EARS2: variants seen among roughly 807,000 people sequenced by gnomAD.
EARS2 encodes the protein nondiscriminating glutamyl-tRNA synthetase EARS2, mitochondrial.
In EARS2, 50 loss-of-function variants were observed where a neutral mutation model predicts 54.1. The observed-to-expected ratio is 0.92, with a 90% CI of 0.74 to 1.17. The LOEUF is 1.17. Among genes scored for constraint, EARS2 ranks in the 50% most tolerant of loss-of-function variants. The pLI, the probability that EARS2 is intolerant of heterozygous loss-of-function variation, is 0.00. For missense variants in EARS2, 673 were observed against 675.0 expected, an observed-to-expected ratio of 1.00 and a Z score of 0.03; for synonymous variants, 298 against 281.0, an observed-to-expected ratio of 1.06 and a Z score of -0.61.
In EARS2 at chr16:23,524,231, T is replaced by A; in HGVS notation, c.*140A>T. ...CTGTGGTGGATCACAAATGCACTTG[T>A]GTGCAGTCAGAGATTGTTTCCACTC... On this transcript the variant is annotated 3_prime_UTR_variant, in exon 9 of 9. Transcript: ENST00000449606. 1 of 749,534 alleles carries A rather than the reference T, an allele frequency of 1.3e-6. No individual in the cohort carries two copies. 46.4% of individuals were successfully genotyped at this position (749,534 alleles called of 1,614,324 possible). A position where few individuals can be genotyped will look rare whatever the true frequency, so the allele number is the denominator to read the frequency against.
intron 4 of EARS2, among the ~76,000 whole-genome samples, chr16:23,533,446 TCTA>T (rs1965359674): frequency 6.6e-6 from 1 of 152,128 alleles, no homozygotes; most frequent in African/African-American, 2.4e-5. Context: ...CCGCCCTCCT[TCTA>T]CTTTCAAACA....
chr16:23,550,996 C>G (rs1335945159), intron 2 of EARS2, among the ~76,000 whole-genome samples: 2 of 152,110 alleles, frequency 1.3e-5, no homozygotes, highest in Non-Finnish European at 2.9e-5. Context: ...ATAAAACTTC[C>G]CACAAGATCA....
Position 23,529,546 on chromosome 16 carries a change from G to A in EARS2, c.1308C>T (p.Asp436=), listed in dbSNP as rs1011822758. Residue 436 remains aspartate (D), a synonymous_variant, in exon 7 of 9, where the codon GAC becomes GAT. Transcript: ENST00000449606. Reference sequence around the variant, plus strand: ...TCACATCCACCTTCTCCGAGATGGCGTCCAGCTGTGCTCGACCTACTGCAG... The same window carrying A: ...TCACATCCACCTTCTCCGAGATGGCATCCAGCTGTGCTCGACCTACTGCAG... ...TRPAVGRAQL[D]AISEKVDVIA... is the part of the protein sequence containing the mutation. The A allele has an allele frequency of 9.9e-6, 16 of 1,613,988 alleles. No individual in the cohort carries two copies. The highest frequency in any genetic ancestry group is 2.2e-5 in the East Asian group (1 of 44,894).
rs757001988 is a variant in EARS2 at position 23,534,961 on chromosome 16, C to G, written c.885G>C (p.Glu295Asp). 1 of 1,611,168 alleles carries G rather than the reference C, an allele frequency of 6.2e-7. No homozygotes were observed. The highest frequency in any genetic ancestry group is 1.1e-5 in the South Asian group (1 of 90,832). ...LSKRQGDVFL[E>D]HFAADGFLPD... Reference sequence around the variant, plus strand: ...GCAGGAAGCCATCAGCAGCAAAGTGCTCCAGGAAAACGTCCCCTTGCCTCT... The same window carrying G: ...GCAGGAAGCCATCAGCAGCAAAGTGGTCCAGGAAAACGTCCCCTTGCCTCT... The change falls in exon 4 of 9, where the codon GAG (glutamate) becomes GAC (aspartate). Residue 295 changes from glutamate (E) to aspartate (D), a missense_variant. By Grantham distance (45) the Glu-to-Asp change is conservative. Around this residue, in one of 3 missense-constraint regions of EARS2, gnomAD observed 338 missense variants for 361.2 expected, o/e 0.94. Coordinates refer to ENST00000449606, the MANE Select transcript of EARS2 (RefSeq NM_001083614.2).
At chr16:23,555,347 C>A (rs1310479423) in intron 1 of EARS2, among the ~76,000 whole-genome samples, 2 of 152,052 alleles carry the variant, frequency 1.3e-5, no homozygotes, top group Non-Finnish European at 2.9e-5. Context: ...ATTAGCTGGG[C>A]GTAGTGGTCA....
At chr16:23,532,633 G>A (rs754625668) in intron 5 of EARS2, 24 bp downstream of exon 5, 17 of 1,583,754 alleles carry the variant, frequency 1.1e-5, no homozygotes, top group Non-Finnish European at 1.5e-5. Flanking sequence ...TTGCCACCAG[G>A]GGATCTCCAT....
In EARS2 at chr16:23,543,911, T is replaced by C. The variant is rs527563708; in HGVS notation, c.485+603A>G. On this transcript the variant is annotated intron_variant, in intron 3 of 8. Coordinates refer to ENST00000449606, the MANE Select transcript of EARS2 (RefSeq NM_001083614.2). Reference sequence around the variant, plus strand: ...ATTGCATAAAATCACCTCCAGCCTATGTGTATAAGGCGTACATGAAACATA... The same window carrying C: ...ATTGCATAAAATCACCTCCAGCCTACGTGTATAAGGCGTACATGAAACATA... Among the ~76,000 whole-genome samples the C allele has an allele frequency of 2.7e-4, 41 of 152,306 alleles. No individual in the cohort carries two copies. The South Asian group carries it at 4.4e-3, about 16-fold the overall frequency.
In EARS2 at chr16:23,530,560, C is replaced by T. The variant is rs1965310159; in HGVS notation, c.1068-663G>A. Among the ~76,000 whole-genome samples, 7 of 151,946 alleles carry T rather than the reference C, an allele frequency of 4.6e-5. No homozygotes were observed. The South Asian group carries it at 1.5e-3, about 32-fold the overall frequency. On this transcript the variant is annotated intron_variant, in intron 5 of 8. Transcript: ENST00000449606. Reference sequence around the variant, plus strand: ...CCTCCGCTTCCCAGGTCACCTGCCACTCAGTCCTGCTGGACCTGGAGAAGC... The same window carrying T: ...CCTCCGCTTCCCAGGTCACCTGCCATTCAGTCCTGCTGGACCTGGAGAAGC...
At chr16:23,546,328 G>A in intron 2 of EARS2, 1 of 451,936 alleles carries the variant, frequency 2.2e-6, no homozygotes, top group Non-Finnish European at 4.4e-6. Flanking sequence ...TGTTCACCTT[G>A]CTACCCTCAA....
At chr16:23,532,044 C>T (rs1965336067) in intron 5 of EARS2, among the ~76,000 whole-genome samples, 1 of 152,152 alleles carries the variant, frequency 6.6e-6, no homozygotes, top group Non-Finnish European at 1.5e-5. Context: ...AACTCCTGAC[C>T]TCAGGTGATC....
In EARS2 at chr16:23,521,784, A is replaced by C; in HGVS notation, c.*2587T>G. On this transcript the variant is annotated 3_prime_UTR_variant, in exon 9 of 9. Coordinates refer to ENST00000449606, the MANE Select transcript of EARS2 (RefSeq NM_001083614.2). Reference sequence around the variant, plus strand: ...TATTTTGACCACTCACTTTGTTAAAAACACTCACTTGACCATGAGCCAAGA... The same window carrying C: ...TATTTTGACCACTCACTTTGTTAAACACACTCACTTGACCATGAGCCAAGA... The C allele has an allele frequency of 2.2e-6, 1 of 453,684 alleles. No homozygotes were observed. Among genetic ancestry groups the C allele is most frequent in the South Asian group, 1.5e-5 (1 of 64,540 alleles). 28.1% of individuals were successfully genotyped at this position (453,684 alleles called of 1,614,324 possible).
At chr16:23,542,603 C>T (rs1345140665) in intron 3 of EARS2, among the ~76,000 whole-genome samples, 2 of 151,896 alleles carry the variant, frequency 1.3e-5, no homozygotes, top group African/African-American at 4.8e-5. Context: ...CGTGAGCCAC[C>T]ACGTCCGGCC....
At chr16:23,528,009 G>A (rs1439398554) in intron 7 of EARS2, among the ~76,000 whole-genome samples, 1 of 152,146 alleles carries the variant, frequency 6.6e-6, no homozygotes, top group African/African-American at 2.4e-5. Context: ...ATGCACAGAT[G>A]AGTGCCTTTA....
At chr16:23,534,791 G>T in intron 4 of EARS2, 97 bp downstream of exon 4, 1 of 1,094,462 alleles carries the variant, frequency 9.1e-7, no homozygotes, top group Non-Finnish European at 1.3e-6. Flanking sequence ...GCTGGTAGGT[G>T]GCAAAGCTGG....
At position 23,521,802 on chromosome 16, in the gene EARS2, A is replaced by G. The variant is rs1463599625; in HGVS notation, c.*2569T>C. 2.2e-6 allele frequency: 1 copy of G among 454,904 alleles called. No individual in the cohort carries two copies. Among genetic ancestry groups the G allele is most frequent in the Non-Finnish European group, 4.4e-6 (1 of 226,552 alleles). 28.2% of individuals were successfully genotyped at this position (454,904 alleles called of 1,614,324 possible). On this transcript the variant is annotated 3_prime_UTR_variant, in exon 9 of 9. Transcript: ENST00000449606. ...TGTTAAAAACACTCACTTGACCATG[A>G]GCCAAGAAGCTCCTTTTAACCATTC...
In EARS2 at chr16:23,535,443, C is replaced by T. The variant is rs1182981982; in HGVS notation, c.486-83G>A. 5 of 1,329,338 alleles carry T rather than the reference C, an allele frequency of 3.8e-6. No homozygotes were observed. In the East Asian group the frequency reaches 7.0e-5, roughly 19 times the overall value. 82.3% of individuals were successfully genotyped at this position (1,329,338 alleles called of 1,614,324 possible). On this transcript the variant is annotated intron_variant, in intron 3 of 8. Transcript: ENST00000449606. Reference sequence around the variant, plus strand: ...CCTACCTCTGTCATAGCTGTGTGACCTTAAGCAAGTCAGTTACTGCTGCAA... The same window carrying T: ...CCTACCTCTGTCATAGCTGTGTGACTTTAAGCAAGTCAGTTACTGCTGCAA...
chr16:23,521,084 G>A lies in EARS2; in HGVS notation c.*3287C>T, dbSNP rs980690736. 2.0e-5 allele frequency among the ~76,000 whole-genome samples: 3 copies of A among 152,074 alleles called. No homozygotes were observed. Among genetic ancestry groups the A allele is most frequent in the Non-Finnish European group, 4.4e-5 (3 of 68,020 alleles). On this transcript the variant is annotated 3_prime_UTR_variant, in exon 9 of 9. Transcript: ENST00000449606. The stretch of plus-strand genomic sequence containing the variant: ...TGGGATTCTAGGTGTGAGCCACCAG[G>A]CCCAGCTCTAATTTAGTATTTTTTA...
At chr16:23,541,043 C>T (rs56137141) in intron 3 of EARS2, among the ~76,000 whole-genome samples, 3,227 of 150,894 alleles carry the variant, frequency 0.021, 106 homozygotes, top group African/African-American at 0.074. Flanking sequence ...GGCCGAGTGT[C>T]GTAGCTCATG....
chr16:23,544,358 G>C, intron 3 of EARS2, 156 bp downstream of exon 3: 1 of 709,418 alleles, frequency 1.4e-6, no homozygotes, highest in East Asian at 2.7e-5. Context: ...GGCTTTGAGA[G>C]AATCCCTGAG....
Sources: gnomAD v4.1 joint callset for allele counts (sites outside exome capture counted in the v4.1 genomes callset) on GRCh38, gnomAD v4.1.1 for gene constraint, gnomAD v4.1.1 regional missense constraint, MANE v1.5 for transcripts, NCBI Gene and HGNC (gene_info 2026-07-23, HGNC 2026-07-21) for gene names.